Variants in CSTPP1 observed in about 807,000 individuals in gnomAD.
The protein encoded by CSTPP1 is UPF0705 protein C11orf49.
the CSTPP1 span, among the ~76,000 whole-genome samples, chr11:47,058,916 A>G: frequency 6.6e-6 from 1 of 152,222 alleles, no homozygotes; most frequent in African/African-American, 2.4e-5. Context: ...ATTCTAGGAG[A>G]AGAAACAGTA....
At chr11:47,001,075 C>T in the CSTPP1 span, among the ~76,000 whole-genome samples, 4 of 152,170 alleles carry the variant, frequency 2.6e-5, no homozygotes, top group Non-Finnish European at 5.9e-5. Flanking sequence ...GAGCTCATCC[C>T]ATCAGAGAGC....
At chr11:47,124,114 C>CTTTTTTTTTTTTTT in the CSTPP1 span, among the ~76,000 whole-genome samples, 1 of 63,232 alleles carries the variant, frequency 1.6e-5, no homozygotes, top group Non-Finnish European at 2.7e-5. Flanking sequence ...AATGGTCTTA[C>CTTTTTTTTTTTTTT]TTTTTTTTTT....
the CSTPP1 span, among the ~76,000 whole-genome samples, chr11:47,148,070 C>T: frequency 6.6e-6 from 1 of 152,164 alleles, no homozygotes; most frequent in African/African-American, 2.4e-5. Context: ...AGGCTAGAGG[C>T]AGCTTGTGCA....
the CSTPP1 span, among the ~76,000 whole-genome samples, chr11:46,940,151 G>A: frequency 6.6e-6 from 1 of 152,206 alleles, no homozygotes; most frequent in Admixed American, 6.5e-5. Flanking sequence ...GGGATTATAG[G>A]CGTGAGCCAC....
At chr11:47,049,928 A>C in the CSTPP1 span, among the ~76,000 whole-genome samples, 1 of 152,164 alleles carries the variant, frequency 6.6e-6, no homozygotes, top group African/African-American at 2.4e-5. Flanking sequence ...AAAGGGAAAG[A>C]AGAATGGATA....
chr11:46,949,846 AT>A, the CSTPP1 span, among the ~76,000 whole-genome samples: 1 of 151,634 alleles, frequency 6.6e-6, no homozygotes, highest in Non-Finnish European at 1.5e-5. Context: ...TAATTTTTGT[AT>A]TTTTAGTAGA....
the CSTPP1 span, among the ~76,000 whole-genome samples, chr11:47,054,844 G>A: frequency 6.6e-6 from 1 of 151,608 alleles, no homozygotes; most frequent in Non-Finnish European, 1.5e-5. Context: ...AGAAGACCGT[G>A]GTAATTTCCA....
chr11:47,106,236 G>A, the CSTPP1 span, among the ~76,000 whole-genome samples: 1 of 152,164 alleles, frequency 6.6e-6, no homozygotes, highest in African/African-American at 2.4e-5. Flanking sequence ...ATTACTTAAA[G>A]TACTATCATT....
chr11:47,104,808 A>G, the CSTPP1 span, among the ~76,000 whole-genome samples: 1 of 152,196 alleles, frequency 6.6e-6, no homozygotes, highest in African/African-American at 2.4e-5. Flanking sequence ...AATGTTTGTC[A>G]TTTTATGACC....
the CSTPP1 span, among the ~76,000 whole-genome samples, chr11:47,016,404 CA>C: frequency 1.7e-4 from 5 of 30,254 alleles, no homozygotes; most frequent in Admixed American, 7.0e-4. Context: ...AAACAAAAAA[CA>C]AAAAACAAAA....
the CSTPP1 span, among the ~76,000 whole-genome samples, chr11:46,999,006 C>T: frequency 6.6e-6 from 1 of 152,046 alleles, no homozygotes; most frequent in Non-Finnish European, 1.5e-5. Flanking sequence ...TTCCAAAGTG[C>T]TGGGATTACA....
chr11:47,033,158 A>G, the CSTPP1 span, among the ~76,000 whole-genome samples: 2 of 152,206 alleles, frequency 1.3e-5, no homozygotes, highest in Non-Finnish European at 2.9e-5. Flanking sequence ...GCAGGGAAGA[A>G]GAGGTGGAGA....
the CSTPP1 span, among the ~76,000 whole-genome samples, chr11:47,101,179 T>A: frequency 1.1e-5 from 1 of 94,574 alleles, no homozygotes; most frequent in African/African-American, 3.6e-5. Context: ...TTTTTTTTTT[T>A]TTTTTTTTTT....
chr11:46,986,737 G>A, the CSTPP1 span, among the ~76,000 whole-genome samples: 1 of 152,096 alleles, frequency 6.6e-6, no homozygotes, highest in Non-Finnish European at 1.5e-5. Flanking sequence ...CAAAATGCTG[G>A]GATTACAGGC....
At chr11:47,074,975 CA>C in the CSTPP1 span, among the ~76,000 whole-genome samples, 5 of 152,282 alleles carry the variant, frequency 3.3e-5, no homozygotes, top group South Asian at 1.0e-3. Context: ...AAAGAGTTCA[CA>C]GTCTCGTCTG....
the CSTPP1 span, among the ~76,000 whole-genome samples, chr11:47,024,958 A>C: frequency 6.6e-6 from 1 of 152,172 alleles, no homozygotes; most frequent in African/African-American, 2.4e-5. Context: ...AGAACATTTG[A>C]AGGGAGTTTT....
the CSTPP1 span, among the ~76,000 whole-genome samples, chr11:47,157,436 T>C: frequency 4.7e-4 from 71 of 152,348 alleles, no homozygotes; most frequent in South Asian, 2.5e-3. Context: ...GCAAGACCAC[T>C]GTAGTTGACC....
chr11:47,125,387 C>T, the CSTPP1 span, among the ~76,000 whole-genome samples: 1 of 152,322 alleles, frequency 6.6e-6, no homozygotes, highest in East Asian at 1.9e-4. Context: ...CCTGCTCGCA[C>T]ACCCATCAAG....
the CSTPP1 span, among the ~76,000 whole-genome samples, chr11:46,940,959 G>A: frequency 6.6e-6 from 1 of 152,174 alleles, no homozygotes; most frequent in Non-Finnish European, 1.5e-5. Context: ...ATAGAAGTTG[G>A]TGGTCTCTTC....
Sources: allele counts gnomAD v4.1 joint callset (sites outside exome capture counted in the v4.1 genomes callset), GRCh38; gene constraint gnomAD v4.1.1; transcripts MANE v1.5; gene names NCBI Gene and HGNC (gene_info 2026-07-23, HGNC 2026-07-21).